GFRA1: variants seen among roughly 807,000 people sequenced by gnomAD.
The protein encoded by GFRA1 is GDNF family receptor alpha 1.
A neutral mutation model predicts 51.6 loss-of-function variants in GFRA1; 16 were observed. The ratio of observed to expected loss-of-function variants is 0.31; its 90% CI spans 0.21 to 0.47. The LOEUF (loss-of-function observed/expected upper bound fraction) is 0.47. GFRA1 is among the 20% of genes least tolerant of loss of function. GFRA1 has a pLI of 1.00. For missense variants in GFRA1, 530 were observed against 594.3 expected, an observed-to-expected ratio of 0.89 and a Z score of 1.13; for synonymous variants, 270 against 241.3, an observed-to-expected ratio of 1.12 and a Z score of -1.10.
At chr10:116,089,054 C>A (rs573795366) in intron 9 of GFRA1, among the ~76,000 whole-genome samples, 3 of 151,666 alleles carry the variant, frequency 2.0e-5, no homozygotes, top group Admixed American at 6.6e-5. Flanking sequence ...AAAGACTCTG[C>A]TTTCGACTGA....
intron 5 of GFRA1, among the ~76,000 whole-genome samples, chr10:116,180,019 G>C (rs1252474894): frequency 6.6e-6 from 1 of 152,154 alleles, no homozygotes; most frequent in Non-Finnish European, 1.5e-5. Context: ...TGAGAATTTT[G>C]TATCTCCGGC....
At chr10:116,204,514 A>G (rs1964578944) in intron 5 of GFRA1, among the ~76,000 whole-genome samples, 2 of 152,166 alleles carry the variant, frequency 1.3e-5, no homozygotes, top group Admixed American at 1.3e-4. Context: ...TGATTGTACA[A>G]TCCTATTGAT....
At position 116,059,063 on chromosome 10, in the gene GFRA1, C is replaced by T. The variant is rs1387358604; in HGVS notation, c.*5335G>A. The stretch of plus-strand genomic sequence containing the variant: ...CTTGGATCCCAGTGCTTTTTCAGAC[C>T]CTTTCTCCTAGGTCACCCTCAAAAA... On this transcript the variant is annotated 3_prime_UTR_variant, in exon 11 of 11. Coordinates refer to ENST00000355422, the MANE Select transcript of GFRA1 (RefSeq NM_005264.8). The T allele has an allele frequency of 6.6e-6, 1 of 152,146 alleles. No individual in the cohort carries two copies. Among genetic ancestry groups the T allele is most frequent in the Non-Finnish European group, 1.5e-5 (1 of 68,040 alleles). The allele number at this position is 152,146 out of a possible 1,614,324, so 9.4% of individuals were successfully genotyped here.
intron 5 of GFRA1, among the ~76,000 whole-genome samples, chr10:116,208,153 C>T (rs998076849): frequency 6.6e-6 from 1 of 152,004 alleles, no homozygotes; most frequent in South Asian, 2.1e-4. Flanking sequence ...GAACCTGGAA[C>T]ATCGGGGTGT....
chr10:116,134,214 C>A (rs1379306068), intron 5 of GFRA1, among the ~76,000 whole-genome samples: 3 of 152,204 alleles, frequency 2.0e-5, no homozygotes, highest in Non-Finnish European at 4.4e-5. Flanking sequence ...TTCTGGGTAT[C>A]TTTCTGCCTT....
chr10:116,156,594 C>T (rs946588254), intron 5 of GFRA1, among the ~76,000 whole-genome samples: 2 of 152,192 alleles, frequency 1.3e-5, no homozygotes, highest in African/African-American at 4.8e-5. Context: ...AAAACAAACA[C>T]CTCAATTCCA....
chr10:116,247,631 C>A (rs1415095519), intron 4 of GFRA1, among the ~76,000 whole-genome samples: 1 of 152,126 alleles, frequency 6.6e-6, no homozygotes. Context: ...ACTGACTGGT[C>A]CCTCCATCTC....
intron 5 of GFRA1, among the ~76,000 whole-genome samples, chr10:116,150,798 G>C (rs118182875): frequency 2.0e-5 from 3 of 152,070 alleles, no homozygotes; most frequent in Admixed American, 1.3e-4. Flanking sequence ...CATTGTTCCC[G>C]AACAGTTGTT....
At chr10:116,251,910 C>T (rs1192418941) in intron 4 of GFRA1, among the ~76,000 whole-genome samples, 1 of 142,508 alleles carries the variant, frequency 7.0e-6, no homozygotes, top group Non-Finnish European at 1.5e-5. Flanking sequence ...GAGGCTTTGT[C>T]GTCATTCCAT....
At chr10:116,211,829 T>A (rs573443549) in intron 4 of GFRA1, among the ~76,000 whole-genome samples, 184 bp from the exon 5 acceptor site, 1 of 152,312 alleles carries the variant, frequency 6.6e-6, no homozygotes, top group South Asian at 2.1e-4. Context: ...ATGAGGCTGC[T>A]TGCATTTCAA....
At chr10:116,168,079 T>A (rs527530290) in intron 5 of GFRA1, among the ~76,000 whole-genome samples, 2 of 152,018 alleles carry the variant, frequency 1.3e-5, no homozygotes, top group South Asian at 4.2e-4. Context: ...ACCACTTGTA[T>A]CCTATTAAAA....
intron 4 of GFRA1, among the ~76,000 whole-genome samples, chr10:116,253,686 GGCC>G (rs1162298256): frequency 6.6e-6 from 1 of 152,072 alleles, no homozygotes; most frequent in Non-Finnish European, 1.5e-5. Context: ...CCAAGTCCAG[GGCC>G]TTCTTCCTAA....
intron 5 of GFRA1, among the ~76,000 whole-genome samples, chr10:116,197,293 C>T (rs1589864266): frequency 1.3e-5 from 2 of 152,266 alleles, no homozygotes; most frequent in African/African-American, 4.8e-5. Context: ...CCTTCCACCA[C>T]ATAAGGACAC....
At chr10:116,246,484 G>A (rs918072076) in intron 4 of GFRA1, among the ~76,000 whole-genome samples, 6 of 152,066 alleles carry the variant, frequency 3.9e-5, no homozygotes, top group Non-Finnish European at 7.4e-5. Context: ...AGAACACTGA[G>A]TACTACCTGC....
intron 5 of GFRA1, among the ~76,000 whole-genome samples, chr10:116,154,160 G>A (rs1027223522): frequency 5.9e-5 from 9 of 152,062 alleles, no homozygotes; most frequent in East Asian, 3.9e-4. Context: ...GGACCACTTC[G>A]GAAGTCTAAA....
intron 5 of GFRA1, among the ~76,000 whole-genome samples, chr10:116,205,596 G>GATATATATATATATAAATATATATAT (rs1964680643): frequency 2.1e-5 from 3 of 140,562 alleles, no homozygotes; most frequent in African/African-American, 7.7e-5. Context: ...AAAAAAAAAA[G>GATATATATATATATAAATATATATAT]ATATATATAT....
chr10:116,079,188 G>A lies in GFRA1; in HGVS notation c.1197+10553C>T, dbSNP rs998244459. On this transcript the variant is annotated intron_variant, in intron 9 of 10. Transcript: ENST00000355422. ...GAAGGCGGCCATCTGCAACCTGGAA[G>A]AGAGCGCTCACTGGGAACCCAATCT... Among the ~76,000 whole-genome samples, 11 of 152,222 alleles carry A rather than the reference G, an allele frequency of 7.2e-5. No homozygotes were observed. The East Asian group carries it at 1.6e-3, about 21-fold the overall frequency.
At chr10:116,251,669 C>G (rs1240487042) in intron 4 of GFRA1, among the ~76,000 whole-genome samples, 1 of 152,210 alleles carries the variant, frequency 6.6e-6, no homozygotes, top group African/African-American at 2.4e-5. Flanking sequence ...AGTTCCTTTA[C>G]TCCTGGGAGC....
chr10:116,272,094 G>T lies in GFRA1; in HGVS notation c.-65C>A. 1 of 1,363,870 alleles carries T rather than the reference G, an allele frequency of 7.3e-7. No individual in the cohort carries two copies. The highest frequency in any genetic ancestry group is 1.2e-5 in the South Asian group (1 of 80,234). 84.5% of individuals were successfully genotyped at this position (1,363,870 alleles called of 1,614,324 possible). A position where few individuals can be genotyped will look rare whatever the true frequency, so the allele number is the denominator to read the frequency against. On this transcript the variant is annotated 5_prime_UTR_variant, in exon 2 of 11. Coordinates refer to ENST00000355422, the MANE Select transcript of GFRA1 (RefSeq NM_005264.8). This position sits in a 1 kb window ranked among gnomAD's most constrained non-coding sequence, Gnocchi z 4.4. The stretch of plus-strand genomic sequence containing the variant: ...TCCCGAGCCGCCGCTGGGTCTTGCC[G>T]AGGGAGCTCAGCGTGCAGCGATCCC...
Sources: allele counts gnomAD v4.1 joint callset (sites outside exome capture counted in the v4.1 genomes callset), GRCh38; gene constraint gnomAD v4.1.1; non-coding constraint Gnocchi (gnomAD v3.1); transcripts MANE v1.5; gene names NCBI Gene and HGNC (gene_info 2026-07-23, HGNC 2026-07-21).